POLR2D: variants seen among roughly 807,000 people sequenced by gnomAD.
The protein encoded by POLR2D is DNA-directed RNA polymerase II subunit RPB4.
In POLR2D, 10 loss-of-function variants were observed where a neutral mutation model predicts 17.6. The ratio of observed to expected loss-of-function variants is 0.57; its 90% CI spans 0.35 to 0.96. POLR2D has a LOEUF of 0.96. POLR2D is among the 40% of genes least tolerant of loss of function. The pLI is 0.02. For synonymous variants in POLR2D, 52 were observed against 60.2 expected, an observed-to-expected ratio of 0.86 and a Z score of 0.63; for missense variants, 126 against 176.4, an observed-to-expected ratio of 0.71 and a Z score of 1.62.
chr2:127,849,987 G>A (rs945332173), intron 3 of POLR2D, among the ~76,000 whole-genome samples: 4 of 152,204 alleles, frequency 2.6e-5, no homozygotes, highest in Admixed American at 6.5e-5. Flanking sequence ...TTGGAACTTG[G>A]AGTATATTCA....
chr2:127,847,994 A>C lies in POLR2D; in HGVS notation c.*113T>G. On this transcript the variant is annotated 3_prime_UTR_variant, in exon 4 of 4. Coordinates refer to ENST00000272645, the MANE Select transcript of POLR2D (RefSeq NM_004805.4). Reference sequence around the variant, plus strand: ...CGCCAAGCTGGGCTGTTTTCTCCAAAGGAATTCTCAACTGTCTTCAACAGA... The same window carrying C: ...CGCCAAGCTGGGCTGTTTTCTCCAACGGAATTCTCAACTGTCTTCAACAGA... The C allele has an allele frequency of 2.5e-6, 2 of 801,530 alleles. No individual in the cohort carries two copies. The highest frequency in any genetic ancestry group is 4.4e-6 in the Non-Finnish European group (2 of 455,330). The allele number at this position is 801,530 out of a possible 1,614,324, so 49.7% of individuals were successfully genotyped here.
chr2:127,857,898 C>T, intron 1 of POLR2D, 130 bp downstream of exon 1: 1 of 1,391,172 alleles, frequency 7.2e-7, no homozygotes, highest in Non-Finnish European at 9.3e-7. Flanking sequence ...GTTCCCTCCC[C>T]AGCCCCACGC....
chr2:127,854,499 A>T (rs891958772), intron 1 of POLR2D, among the ~76,000 whole-genome samples: 1 of 152,204 alleles, frequency 6.6e-6, no homozygotes, highest in Non-Finnish European at 1.5e-5. Flanking sequence ...TCTGTTTACT[A>T]TCAGGGAAAT....
Position 127,847,822 on chromosome 2 carries a change from G to A in POLR2D, c.*285C>T. On this transcript the variant is annotated 3_prime_UTR_variant, in exon 4 of 4. Coordinates refer to ENST00000272645, the MANE Select transcript of POLR2D (RefSeq NM_004805.4). ...TGTGGAGGCCAAAAACCAGGAATGA[G>A]GTAGTCAACAGTGTGGTTATGTGAC... 2.5e-6 allele frequency: 1 copy of A among 406,590 alleles called. No individual in the cohort carries two copies. Among genetic ancestry groups the A allele is most frequent in the South Asian group, 2.8e-5 (1 of 35,324 alleles). 25.2% of individuals were successfully genotyped at this position (406,590 alleles called of 1,614,324 possible).
At chr2:127,856,725 T>G (rs1690338912) in intron 1 of POLR2D, among the ~76,000 whole-genome samples, 1 of 152,046 alleles carries the variant, frequency 6.6e-6, no homozygotes, top group Non-Finnish European at 1.5e-5. Context: ...TAGAGGGTAG[T>G]ATTTCCGTTT....
At chr2:127,855,638 C>G (rs922694506) in intron 1 of POLR2D, among the ~76,000 whole-genome samples, 3 of 152,162 alleles carry the variant, frequency 2.0e-5, no homozygotes, top group Admixed American at 1.3e-4. Flanking sequence ...AGACCTACCA[C>G]AGAGCTTTTG....
chr2:127,848,313 T>G (rs1690187619), intron 3 of POLR2D, 128 bp from the exon 4 acceptor site: 1 of 601,918 alleles, frequency 1.7e-6, no homozygotes, highest in African/African-American at 1.9e-5. Context: ...TCTTTTCCAC[T>G]TTTCCTGATA....
In POLR2D at chr2:127,846,859, G is replaced by T; in HGVS notation, c.*1248C>A. The T allele has an allele frequency of 6.5e-6, 1 of 153,988 alleles. No individual in the cohort carries two copies. The highest frequency in any genetic ancestry group is 1.9e-4 in the South Asian group (1 of 5,134). 9.5% of individuals were successfully genotyped at this position (153,988 alleles called of 1,614,324 possible). A position where few individuals can be genotyped will look rare whatever the true frequency, so the allele number is the denominator to read the frequency against. On this transcript the variant is annotated 3_prime_UTR_variant, in exon 4 of 4. Coordinates refer to ENST00000272645, the MANE Select transcript of POLR2D (RefSeq NM_004805.4). Reference sequence around the variant, plus strand: ...GTGCTGTGAATGGCACAACTCACATGGTAATGTAGCTTCACATCCAGCCTG... The same window carrying T: ...GTGCTGTGAATGGCACAACTCACATTGTAATGTAGCTTCACATCCAGCCTG...
In POLR2D at chr2:127,844,677, G is replaced by C. The variant is rs1017506460; in HGVS notation, c.*3430C>G. On this transcript the variant is annotated 3_prime_UTR_variant, in exon 4 of 4. Transcript: ENST00000272645. ...TATTATTTTATTTTTTTTCAAGATG[G>C]AGTCTCGCTCTTGTTGCCCAGGCTG... The C allele has an allele frequency of 2.0e-5, 3 of 151,922 alleles. No homozygotes were observed. Among genetic ancestry groups the C allele is most frequent in the African/African-American group, 7.3e-5 (3 of 41,330 alleles). 9.4% of individuals were successfully genotyped at this position (151,922 alleles called of 1,614,324 possible).
In POLR2D at chr2:127,847,946, T is replaced by C; in HGVS notation, c.*161A>G. ...CCATGTCACCTGGGCCTGTGAGTTATTTGAAACAGCAACCTAACCCCACGC... is the reference window on the plus strand; with the variant it reads ...CCATGTCACCTGGGCCTGTGAGTTACTTGAAACAGCAACCTAACCCCACGC... On this transcript the variant is annotated 3_prime_UTR_variant, in exon 4 of 4. Transcript: ENST00000272645. 2 of 657,460 alleles carry C rather than the reference T, an allele frequency of 3.0e-6. No individual in the cohort carries two copies. Among genetic ancestry groups the C allele is most frequent in the Non-Finnish European group, 5.5e-6 (2 of 360,404 alleles). 40.7% of individuals were successfully genotyped at this position (657,460 alleles called of 1,614,324 possible).
At position 127,847,696 on chromosome 2, in the gene POLR2D, T is replaced by A. The variant is rs1312830510; in HGVS notation, c.*411A>T. 5.6e-6 allele frequency: 1 copy of A among 179,692 alleles called. No homozygotes were observed. Among genetic ancestry groups the A allele is most frequent in the African/African-American group, 2.4e-5 (1 of 41,232 alleles). The allele number at this position is 179,692 out of a possible 1,614,324, so 11.1% of individuals were successfully genotyped here. A position where few individuals can be genotyped will look rare whatever the true frequency, so the allele number is the denominator to read the frequency against. On this transcript the variant is annotated 3_prime_UTR_variant, in exon 4 of 4. Transcript: ENST00000272645. ...TTTAATTCTTCCTTTAGTATCTAGG[T>A]AAAACTGGTCTTTCTCTATAAAGTC...
intron 3 of POLR2D, among the ~76,000 whole-genome samples, chr2:127,848,580 A>T (rs1690192317): frequency 6.6e-6 from 1 of 152,076 alleles, no homozygotes; most frequent in African/African-American, 2.4e-5. Context: ...GCAGTGGCGC[A>T]ATCTCGGCTC....
rs777420082 is a variant in POLR2D, at chr2:127,852,092, C to T, written c.254+833G>A. Among the ~76,000 whole-genome samples the T allele has an allele frequency of 5.3e-5, 8 of 152,046 alleles. No individual in the cohort carries two copies. Among genetic ancestry groups the T allele is most frequent in the Non-Finnish European group, 8.8e-5 (6 of 68,004 alleles). On this transcript the variant is annotated intron_variant, in intron 2 of 3. Coordinates refer to ENST00000272645, the MANE Select transcript of POLR2D (RefSeq NM_004805.4). The surrounding 1 kb of genome is among the most constrained non-coding windows in gnomAD (Gnocchi z 4.0). ...GCATGAGCCACTGCACCCGGCCAAT[C>T]CCAGCACTTTGGGGGGCTAAGGTTG...
intron 3 of POLR2D, among the ~76,000 whole-genome samples, chr2:127,850,107 C>T (rs930539440): frequency 2.6e-5 from 4 of 152,014 alleles, no homozygotes; most frequent in Admixed American, 2.6e-4. Flanking sequence ...TTTGCTATCA[C>T]TTGGTGTGGT....
chr2:127,858,109 C>T lies in POLR2D; in HGVS notation c.-9G>A, dbSNP rs774986101. The T allele has an allele frequency of 2.0e-5, 30 of 1,480,790 alleles. No homozygotes were observed. In the African/African-American group the frequency reaches 4.2e-4, roughly 21 times the overall value. The allele number at this position is 1,480,790 out of a possible 1,614,324, so 91.7% of individuals were successfully genotyped here. ...CTGCCACCCGCCGCCATCGCCGCGC[C>T]GCGCCGCGCGCCACCACCAGCGCCG... On this transcript the variant is annotated 5_prime_UTR_variant, in exon 1 of 4. Transcript: ENST00000272645.
Position 127,845,003 on chromosome 2 carries a change from A to G in POLR2D, c.*3104T>C, listed in dbSNP as rs1479691942. 1 of 152,148 alleles carries G rather than the reference A, an allele frequency of 6.6e-6. No individual in the cohort carries two copies. The highest frequency in any genetic ancestry group is 2.4e-5 in the African/African-American group (1 of 41,426). The allele number at this position is 152,148 out of a possible 1,614,324, so 9.4% of individuals were successfully genotyped here. ...TTAATCACCTTGATAAATACCACTG[A>G]TTAGTGCCTAACTATGTGCCAGAGC... On this transcript the variant is annotated 3_prime_UTR_variant, in exon 4 of 4. Coordinates refer to ENST00000272645, the MANE Select transcript of POLR2D (RefSeq NM_004805.4).
chr2:127,858,108 C>A lies in POLR2D; in HGVS notation c.-8G>T. Reference sequence around the variant, plus strand: ...GCTGCCACCCGCCGCCATCGCCGCGCCGCGCCGCGCGCCACCACCAGCGCC... The same window carrying A: ...GCTGCCACCCGCCGCCATCGCCGCGACGCGCCGCGCGCCACCACCAGCGCC... On this transcript the variant is annotated 5_prime_UTR_variant, in exon 1 of 4. Transcript: ENST00000272645. The A allele has an allele frequency of 6.7e-7, 1 of 1,484,428 alleles. No homozygotes were observed. Among genetic ancestry groups the A allele is most frequent in the Non-Finnish European group, 9.0e-7 (1 of 1,117,142 alleles). 92.0% of individuals were successfully genotyped at this position (1,484,428 alleles called of 1,614,324 possible).
rs1474439734 is a variant in POLR2D, at chr2:127,857,709, C to G, written c.73+319G>C. On this transcript the variant is annotated intron_variant, in intron 1 of 3. Coordinates refer to ENST00000272645, the MANE Select transcript of POLR2D (RefSeq NM_004805.4). ...ACTAATCGAAGTTGAGTTCGGTTCA[C>G]GCTGGGCTCTTTTCCCTAGTGCAAC... 3 of 779,926 alleles carry G rather than the reference C, an allele frequency of 3.8e-6. No individual in the cohort carries two copies. In the East Asian group the frequency reaches 1.8e-4, roughly 48 times the overall value. The allele number at this position is 779,926 out of a possible 1,614,324, so 48.3% of individuals were successfully genotyped here.
In POLR2D at chr2:127,843,939, C is replaced by G. The variant is rs1175682867; in HGVS notation, c.*4168G>C. The G allele has an allele frequency of 1.3e-5, 2 of 153,478 alleles. No homozygotes were observed. Among genetic ancestry groups the G allele is most frequent in the East Asian group, 1.9e-4 (1 of 5,180 alleles). 9.5% of individuals were successfully genotyped at this position (153,478 alleles called of 1,614,324 possible). On this transcript the variant is annotated 3_prime_UTR_variant, in exon 4 of 4. Transcript: ENST00000272645. The stretch of plus-strand genomic sequence containing the variant: ...CCTGGGCAACATGGCGAAACCCCGT[C>G]TCTACAAAAAATAAATTAGCCAGGC...
Sources: allele counts gnomAD v4.1 joint callset (sites outside exome capture counted in the v4.1 genomes callset), GRCh38; gene constraint gnomAD v4.1.1; non-coding constraint Gnocchi (gnomAD v3.1); transcripts MANE v1.5; gene names NCBI Gene and HGNC (gene_info 2026-07-23, HGNC 2026-07-21).